BRAF: variants seen among roughly 807,000 people sequenced by gnomAD.
BRAF encodes the protein serine/threonine-protein kinase B-raf.
In BRAF, 16 loss-of-function variants were observed where a neutral mutation model predicts 104.6. That is an observed-to-expected ratio of 0.15 (90% CI 0.10 to 0.23). BRAF has a LOEUF of 0.23. BRAF is among the 10% of genes least tolerant of loss of function. BRAF has a pLI of 1.00. For missense variants in BRAF, 541 were observed against 937.3 expected, an observed-to-expected ratio of 0.58 and a Z score of 5.52; for synonymous variants, 310 against 341.6, an observed-to-expected ratio of 0.91 and a Z score of 1.02.
intron 1 of BRAF, among the ~76,000 whole-genome samples, chr7:140,862,077 T>C (rs1396777875): frequency 1.3e-5 from 2 of 152,176 alleles, no homozygotes; most frequent in Non-Finnish European, 2.9e-5. Flanking sequence ...ATCCTAGACC[T>C]ATGTAACTGC....
chr7:140,831,954 A>C (rs1182889984), intron 3 of BRAF, among the ~76,000 whole-genome samples: 1 of 152,240 alleles, frequency 6.6e-6, no homozygotes, highest in Non-Finnish European at 1.5e-5. Flanking sequence ...GATTTTGCTA[A>C]GAATGGCTCC....
At position 140,724,892 on chromosome 7, in the gene BRAF, T is replaced by C. The variant is rs538890273; in HGVS notation, c.*1602A>G. ...TCCGCTTTCTTTGCTATGACTGTGA[T>C]TGATATTACCCTTTAATAAAGGCCA... On this transcript the variant is annotated 3_prime_UTR_variant, in exon 20 of 20. Coordinates refer to ENST00000644969, the MANE Select transcript of BRAF (RefSeq NM_001374258.1). 3.9e-5 allele frequency: 41 copies of C among 1,039,008 alleles called. No homozygotes were observed. The Middle Eastern group carries it at 1.3e-3, about 34-fold the overall frequency. 64.4% of individuals were successfully genotyped at this position (1,039,008 alleles called of 1,614,324 possible). A position where few individuals can be genotyped will look rare whatever the true frequency, so the allele number is the denominator to read the frequency against.
chr7:140,912,295 C>T (rs1817072673), intron 1 of BRAF, among the ~76,000 whole-genome samples: 1 of 152,320 alleles, frequency 6.6e-6, no homozygotes, highest in South Asian at 2.1e-4. Context: ...CTGAAAAAAA[C>T]CAAAGCAACT....
chr7:140,747,286 A>G, intron 17 of BRAF: 1 of 696,836 alleles, frequency 1.4e-6, no homozygotes. Context: ...TCCATTAAAT[A>G]CTTAACTTGG....
chr7:140,737,170 A>G (rs987209687), intron 18 of BRAF, among the ~76,000 whole-genome samples: 1 of 152,226 alleles, frequency 6.6e-6, no homozygotes, highest in African/African-American at 2.4e-5. Context: ...TTCTTATTAT[A>G]GTAAACATTC....
At chr7:140,750,142 CAGTT>C (rs1797672405) in intron 16 of BRAF, among the ~76,000 whole-genome samples, 1 of 152,160 alleles carries the variant, frequency 6.6e-6, no homozygotes, top group Admixed American at 6.6e-5. Flanking sequence ...ATACAATAAA[CAGTT>C]GGTTAATTAT....
At chr7:140,784,927 G>A (rs1484869143) in intron 10 of BRAF, among the ~76,000 whole-genome samples, 6 of 152,130 alleles carry the variant, frequency 3.9e-5, no homozygotes, top group African/African-American at 7.2e-5. Flanking sequence ...GATTACAGGC[G>A]TGAGCCACCG....
At chr7:140,815,957 C>T (rs1804837514) in intron 3 of BRAF, among the ~76,000 whole-genome samples, 1 of 151,936 alleles carries the variant, frequency 6.6e-6, no homozygotes, top group South Asian at 2.1e-4. Flanking sequence ...AATTGCTGTC[C>T]CAATCAAATC....
At chr7:140,893,025 T>C (rs1814436525) in intron 1 of BRAF, among the ~76,000 whole-genome samples, 1 of 152,284 alleles carries the variant, frequency 6.6e-6, no homozygotes, top group South Asian at 2.1e-4. Context: ...CCAACTTCAC[T>C]ATCAGCCTCA....
At chr7:140,894,766 A>G (rs1814686407) in intron 1 of BRAF, among the ~76,000 whole-genome samples, 1 of 152,080 alleles carries the variant, frequency 6.6e-6, no homozygotes, top group Admixed American at 6.5e-5. Context: ...TATAAATGAG[A>G]TAAGCTCATC....
At chr7:140,728,030 A>G (rs1795709943) in intron 19 of BRAF, among the ~76,000 whole-genome samples, 1 of 152,214 alleles carries the variant, frequency 6.6e-6, no homozygotes, top group Non-Finnish European at 1.5e-5. Flanking sequence ...GATTGCTATC[A>G]GATTCCAACT....
At chr7:140,895,814 T>C (rs1279740649) in intron 1 of BRAF, among the ~76,000 whole-genome samples, 1 of 152,232 alleles carries the variant, frequency 6.6e-6, no homozygotes, top group Non-Finnish European at 1.5e-5. Flanking sequence ...CACATTGTCT[T>C]TACCCAATCT....
At chr7:140,878,926 T>C (rs1055872123) in intron 1 of BRAF, among the ~76,000 whole-genome samples, 1 of 152,060 alleles carries the variant, frequency 6.6e-6, no homozygotes, top group Non-Finnish European at 1.5e-5. Context: ...CAGGCTGGAG[T>C]GCAGTGGCGC....
chr7:140,771,668 C>T (rs1799856415), intron 14 of BRAF, among the ~76,000 whole-genome samples: 1 of 152,136 alleles, frequency 6.6e-6, no homozygotes, highest in African/African-American at 2.4e-5. Flanking sequence ...GAAATAAAGG[C>T]TTTGCAAAAG....
intron 1 of BRAF, among the ~76,000 whole-genome samples, chr7:140,918,178 C>G (rs1817822671): frequency 6.6e-6 from 1 of 152,130 alleles, no homozygotes. Flanking sequence ...ACATGTAAAG[C>G]AGATAAATGA....
intron 2 of BRAF, 110 bp from the exon 3 acceptor site, chr7:140,834,982 T>G: frequency 8.0e-7 from 1 of 1,253,446 alleles, no homozygotes; most frequent in Non-Finnish European, 1.1e-6. Flanking sequence ...TTGATAGGGT[T>G]TTAAGTTTCA....
chr7:140,748,929 T>G (rs1191682101), intron 17 of BRAF: 1 of 183,424 alleles, frequency 5.5e-6, no homozygotes, highest in Non-Finnish European at 1.1e-5. Context: ...CATAGCTGAG[T>G]ACCTGTTCTG....
chr7:140,722,378 C>CT lies in BRAF; in HGVS notation c.*4115_*4116insA. The CT allele has an allele frequency of 9.5e-7, 1 of 1,054,754 alleles. No homozygotes were observed. Among genetic ancestry groups the CT allele is most frequent in the Non-Finnish European group, 1.1e-6 (1 of 872,748 alleles). 65.3% of individuals were successfully genotyped at this position (1,054,754 alleles called of 1,614,324 possible). ...GTTAAACCAGAGTGGCTGCTCTCTTCACAAATCACTGATTTCTGCTAAAAT... is the reference window on the plus strand; with the variant it reads ...GTTAAACCAGAGTGGCTGCTCTCTTCTACAAATCACTGATTTCTGCTAAAAT... On this transcript the variant is annotated 3_prime_UTR_variant, in exon 20 of 20. Coordinates refer to ENST00000644969, the MANE Select transcript of BRAF (RefSeq NM_001374258.1).
At chr7:140,785,373 C>T (rs1010051344) in intron 10 of BRAF, among the ~76,000 whole-genome samples, 4 of 152,144 alleles carry the variant, frequency 2.6e-5, no homozygotes, top group Non-Finnish European at 5.9e-5. Flanking sequence ...CCCCACCCAC[C>T]TTATTTATTC....
Sources: allele counts gnomAD v4.1 joint callset (sites outside exome capture counted in the v4.1 genomes callset), GRCh38; gene constraint gnomAD v4.1.1; transcripts MANE v1.5; gene names NCBI Gene and HGNC (gene_info 2026-07-23, HGNC 2026-07-21).